Variants in DNAAF8 observed in about 807,000 individuals in gnomAD.
The protein encoded by DNAAF8 is dynein axonemal assembly factor 8.
A neutral mutation model predicts 54.6 loss-of-function variants in DNAAF8; 61 were observed. The ratio of observed to expected loss-of-function variants is 1.12; its 90% CI spans 0.91 to 1.38. The LOEUF is 1.38. Ranked by LOEUF, DNAAF8 falls within the 40% of genes most tolerant of loss-of-function variation. The pLI is 0.00. For synonymous variants in DNAAF8, 320 were observed against 270.1 expected (o/e 1.18, Z -1.81); for missense variants, 837 against 665.0 (o/e 1.26, Z -2.85).
rs772927921 is a variant in DNAAF8, at chr16:4,740,575, G to A, written c.699G>A (p.Ala233=). The change falls in exon 4 of 10, where the codon GCG becomes GCA. Residue 233 remains alanine, a synonymous_variant. Transcript: ENST00000299320. The stretch of plus-strand genomic sequence containing the variant: ...GTGACAAAGGTGGGGTGAAGGAGGC[G>A]CCCTGCCACGCTGCGGAGTCAGCTC... ...TSSDKGGVKE[A]PCHAAESAPR... is the part of the protein sequence containing the mutation. The A allele has an allele frequency of 1.1e-5, 18 of 1,613,578 alleles. No individual in the cohort carries two copies. The highest frequency in any genetic ancestry group is 1.7e-4 in the Middle Eastern group (1 of 6,060).
intron 3 of DNAAF8, among the ~76,000 whole-genome samples, chr16:4,738,584 A>G (rs76501527): frequency 2.6e-5 from 4 of 152,314 alleles, no homozygotes; most frequent in African/African-American, 9.6e-5. Context: ...TGGGCAATAC[A>G]GCAAGACCCC....
In DNAAF8 at chr16:4,747,663, C is replaced by T. The variant is rs765362637; in HGVS notation, c.*9+29C>T. On this transcript the variant is annotated intron_variant, in intron 9 of 9. Transcript: ENST00000299320. The stretch of plus-strand genomic sequence containing the variant: ...GTGGGATCCCAGGAGTGGGCAGGGG[C>T]GGGCTGACTTGCCATGGACCCTGGG... 3.3e-5 allele frequency: 52 copies of T among 1,567,702 alleles called. No individual in the cohort carries two copies. In the Admixed American group the frequency reaches 4.3e-4, roughly 13 times the overall value.
rs748611740 is a variant in DNAAF8 at position 4,740,484 on chromosome 16, G to A, written c.608G>A (p.Arg203Lys). Residue 203 changes from arginine to lysine, a missense_variant, in exon 4 of 10, where the codon AGA becomes AAA. Transcript: ENST00000299320. ...AACCGCCGGGCCCTCCGACAGGAGA[G>A]AAGGAAGATGATAGAGACGGACATC... ...SVNRRALRQE[R>K]RKMIETDILQ... The A allele has an allele frequency of 6.2e-7, 1 of 1,614,028 alleles. No individual in the cohort carries two copies. The highest frequency in any genetic ancestry group is 1.7e-5 in the Admixed American group (1 of 60,026).
At chr16:4,739,262 C>CTTTTTTTTTTTTTTTTTTTTTTTT (rs1596482355) in intron 3 of DNAAF8, among the ~76,000 whole-genome samples, 1 of 36,238 alleles carries the variant, frequency 2.8e-5, no homozygotes, top group African/African-American at 7.4e-5. Context: ...ATGATTTTTT[C>CTTTTTTTTTTTTTTTTTTTTTTTT]TTGTTTTTTT....
At chr16:4,736,694 C>T in intron 2 of DNAAF8, 51 bp downstream of exon 2, 2 of 1,474,460 alleles carry the variant, frequency 1.4e-6, no homozygotes, top group Non-Finnish European at 1.8e-6. Context: ...CCAGAGCAGG[C>T]ATGACGCTGG....
intron 1 of DNAAF8, among the ~76,000 whole-genome samples, chr16:4,735,432 G>T (rs2081874222): frequency 1.3e-5 from 2 of 151,984 alleles, no homozygotes; most frequent in Non-Finnish European, 1.5e-5. Context: ...ATCTCCTGCC[G>T]CTGCCCTGAT....
intron 9 of DNAAF8, 118 bp downstream of exon 9, chr16:4,747,752 T>G: frequency 1.6e-6 from 2 of 1,274,294 alleles, no homozygotes; most frequent in Non-Finnish European, 2.1e-6. Flanking sequence ...GCAGGGACCC[T>G]CAGACTTTGG....
At chr16:4,735,637 C>CAAA (rs569870522) in intron 1 of DNAAF8, among the ~76,000 whole-genome samples, 16 of 135,614 alleles carry the variant, frequency 1.2e-4, no homozygotes, top group African/African-American at 4.3e-4. Flanking sequence ...GTAGTGACTC[C>CAAA]AAAAAAAAAA....
chr16:4,748,513 C>A (rs1457223671), intron 9 of DNAAF8: 1 of 152,190 alleles, frequency 6.6e-6, no homozygotes, highest in East Asian at 1.9e-4. Context: ...TAGAATGGAG[C>A]AGCGGCCTCA....
intron 7 of DNAAF8, 108 bp from the exon 8 acceptor site, chr16:4,746,819 G>A: frequency 9.4e-7 from 1 of 1,065,744 alleles, no homozygotes; most frequent in Non-Finnish European, 1.3e-6. Context: ...TGTGGCTGCT[G>A]ACCTCTTGCA....
rs750366259 is a variant in DNAAF8 at position 4,743,161 on chromosome 16, G to A, written c.901+1G>A. On this transcript the variant is annotated splice_donor_variant, in intron 5 of 9. Transcript: ENST00000299320. LOFTEE classifies it high-confidence loss of function. ...GCAGCTGACCACCGCCAAGTTCAAG[G>A]TCTGACCTTGAACACTGGAGCCCAC... 4 of 1,585,498 alleles carry A rather than the reference G, an allele frequency of 2.5e-6. No individual in the cohort carries two copies. Among genetic ancestry groups the A allele is most frequent in the Admixed American group, 1.7e-5 (1 of 57,166 alleles).
At position 4,740,144 on chromosome 16, in the gene DNAAF8, T is replaced by C. The variant is rs1279850790; in HGVS notation, c.277-9T>C. The C allele has an allele frequency of 1.3e-6, 2 of 1,586,074 alleles. No individual in the cohort carries two copies. The highest frequency in any genetic ancestry group is 8.6e-7 in the Non-Finnish European group (1 of 1,164,070). On this transcript the variant is annotated splice_polypyrimidine_tract_variant and intron_variant, in intron 3 of 9. Transcript: ENST00000299320. ...GGATGCTAACTGAACATACCTGTTT[T>C]CTTGACAGCCAGTTCTGGTGCCTGC...
chr16:4,735,500 G>T (rs1195747634), intron 1 of DNAAF8, among the ~76,000 whole-genome samples: 1 of 152,102 alleles, frequency 6.6e-6, no homozygotes, highest in Non-Finnish European at 1.5e-5. Context: ...TCGAGCTGCA[G>T]AGTTCTCCTG....
chr16:4,746,210 T>G (rs1416794403), intron 6 of DNAAF8, 165 bp from the exon 7 acceptor site: 2 of 687,304 alleles, frequency 2.9e-6, no homozygotes, highest in East Asian at 2.8e-5. Flanking sequence ...AAATCTCGCA[T>G]GCTGTTCTGA....
intron 1 of DNAAF8, chr16:4,735,064 G>A (rs913038883): frequency 6.6e-6 from 1 of 152,262 alleles, no homozygotes; most frequent in Admixed American, 6.6e-5. Flanking sequence ...GCATTGTCTG[G>A]TCCGTTTTCA....
intron 6 of DNAAF8, among the ~76,000 whole-genome samples, chr16:4,745,549 C>T (rs1429470791): frequency 6.6e-6 from 1 of 152,238 alleles, no homozygotes; most frequent in African/African-American, 2.4e-5. Flanking sequence ...GCCTGCCCTC[C>T]CCACACTTTG....
chr16:4,742,055 T>C (rs2081966261), intron 4 of DNAAF8, among the ~76,000 whole-genome samples: 1 of 152,216 alleles, frequency 6.6e-6, no homozygotes, highest in Non-Finnish European at 1.5e-5. Context: ...CTTAGAGGGC[T>C]GCAAAGAGTT....
At position 4,744,621 on chromosome 16, in the gene DNAAF8, T is replaced by C. The variant is rs113995192; in HGVS notation, c.902-249T>C. On this transcript the variant is annotated intron_variant, in intron 5 of 9. Coordinates refer to ENST00000299320, the MANE Select transcript of DNAAF8 (RefSeq NM_139170.3). ...TGAGGAAGTGGGATAAACTTAAAAA[T>C]ACGTCACTCCTACTTCACCAAGCCC... Among the ~76,000 whole-genome samples the C allele has an allele frequency of 4.0e-3, 425 of 106,700 alleles. 3 individuals carry two copies. The highest frequency in any genetic ancestry group is 0.012 in the African/African-American group (392 of 32,698). 70.0% of individuals were successfully genotyped at this position (106,700 alleles called of 152,430 possible). A position where few individuals can be genotyped will look rare whatever the true frequency, so the allele number is the denominator to read the frequency against.
At chr16:4,743,447 T>A in intron 5 of DNAAF8, 1 of 242,504 alleles carries the variant, frequency 4.1e-6, no homozygotes, top group Non-Finnish European at 7.9e-6. Context: ...CCCACCTCCC[T>A]GGGCCAGCCT....
Sources: gnomAD v4.1 joint callset for allele counts (sites outside exome capture counted in the v4.1 genomes callset) on GRCh38, gnomAD v4.1.1 for gene constraint, MANE v1.5 for transcripts, NCBI Gene and HGNC (gene_info 2026-07-23, HGNC 2026-07-21) for gene names.